Variants in PRH1 observed in about 807,000 individuals in gnomAD.
PRH1 encodes proline rich protein HaeIII subfamily 1, also known as salivary acidic proline-rich phosphoprotein 1/2.
In PRH1, 7 loss-of-function variants were observed where a neutral mutation model predicts 7.9. The ratio of observed to expected loss-of-function variants is 0.89; its 90% CI spans 0.50 to 1.67. PRH1 has a LOEUF of 1.67. Among genes scored for constraint, PRH1 ranks in the 40% most tolerant of loss-of-function variants. The pLI, the probability that PRH1 is intolerant of heterozygous loss-of-function variation, is 0.00. For synonymous variants in PRH1, 45 were observed against 80.8 expected (o/e 0.56, Z 2.38); for missense variants, 109 against 223.6 (o/e 0.49, Z 3.27).
intron 1 of PRH1, among the ~76,000 whole-genome samples, chr12:11,009,666 G>A (rs1940982500): frequency 6.6e-6 from 1 of 151,906 alleles, no homozygotes; most frequent in Non-Finnish European, 1.5e-5. Flanking sequence ...GTCTAGCCAT[G>A]TTCCTGCAAT....
At chr12:11,003,120 A>G (rs1157527642) in intron 1 of PRH1, among the ~76,000 whole-genome samples, 2 of 152,114 alleles carry the variant, frequency 1.3e-5, no homozygotes, top group South Asian at 2.1e-4. Flanking sequence ...CTTCCTGCTT[A>G]TATCTTTCTT....
intron 2 of PRH1, among the ~76,000 whole-genome samples, chr12:10,940,399 T>C (rs1378327139): frequency 6.6e-6 from 1 of 152,322 alleles, no homozygotes; most frequent in Non-Finnish European, 1.5e-5. Flanking sequence ...TAGTAATACA[T>C]GTAAATATTC....
At chr12:10,894,930 C>T (rs1225504500) in intron 2 of PRH1, 2 of 152,126 alleles carry the variant, frequency 1.3e-5, no homozygotes, top group Non-Finnish European at 2.9e-5. Context: ...TATCATCACT[C>T]ATATCAGGCA....
At chr12:11,102,129 T>C (rs1222248252) in intron 1 of PRH1, among the ~76,000 whole-genome samples, 1 of 152,116 alleles carries the variant, frequency 6.6e-6, no homozygotes, top group Admixed American at 6.6e-5. Context: ...AGGTAATTTA[T>C]AGATTCAATG....
intron 2 of PRH1, among the ~76,000 whole-genome samples, chr12:10,948,734 C>T (rs1248021374): frequency 6.6e-6 from 1 of 152,098 alleles, no homozygotes; most frequent in Non-Finnish European, 1.5e-5. Context: ...TTTCTCATCT[C>T]TGTATGTGGG....
intron 1 of PRH1, among the ~76,000 whole-genome samples, chr12:11,104,196 A>AC (rs890499509): frequency 7.2e-6 from 1 of 138,078 alleles, no homozygotes; most frequent in African/African-American, 2.5e-5. Context: ...AAAAAAAAAA[A>AC]AAAAAAAGGA....
intron 2 of PRH1, chr12:10,931,279 A>G: frequency 8.7e-7 from 1 of 1,143,466 alleles, no homozygotes; most frequent in Non-Finnish European, 1.2e-6. Flanking sequence ...TCCAATTTTG[A>G]GAATCACTAT....
At chr12:10,996,465 T>G (rs1415950691) in intron 1 of PRH1, 1 of 152,130 alleles carries the variant, frequency 6.6e-6, no homozygotes, top group Admixed American at 6.6e-5. Flanking sequence ...GTTAAACAGT[T>G]AAACACACTA....
chr12:11,061,344 C>T, intron 1 of PRH1: 1 of 1,597,398 alleles, frequency 6.3e-7, no homozygotes, highest in Non-Finnish European at 8.5e-7. Flanking sequence ...CTAGAAGATA[C>T]ACAATGCTGC....
chr12:10,922,807 C>T lies in PRH1; in HGVS notation c.-58-38532G>A, dbSNP rs1430278862. On this transcript the variant is annotated intron_variant, in intron 2 of 3. Transcript: ENST00000539853. ...ATGTCCAAATTCATGATTATTGCAT[C>T]TTTTCCATGAATTTTTTCTTTTTCT... Among the ~76,000 whole-genome samples, 6 of 143,688 alleles carry T rather than the reference C, an allele frequency of 4.2e-5. 1 individual carries two copies. In the South Asian group the frequency reaches 1.2e-3, roughly 28 times the overall value. 94.3% of individuals were successfully genotyped at this position (143,688 alleles called of 152,430 possible).
At chr12:11,033,319 A>C (rs1456824708) in intron 1 of PRH1, among the ~76,000 whole-genome samples, 3 of 152,128 alleles carry the variant, frequency 2.0e-5, no homozygotes, top group Admixed American at 6.5e-5. Context: ...GTGAACTGAG[A>C]TTATGCCACT....
intron 3 of PRH1, among the ~76,000 whole-genome samples, 180 bp from the exon 4 acceptor site, chr12:10,881,236 G>A (rs1394869522): frequency 1.3e-5 from 2 of 152,170 alleles, no homozygotes; most frequent in Non-Finnish European, 2.9e-5. Flanking sequence ...TTAAGCCATT[G>A]CACATAATGT....
At chr12:10,967,752 A>G (rs534226071) in intron 2 of PRH1, among the ~76,000 whole-genome samples, 1 of 152,362 alleles carries the variant, frequency 6.6e-6, no homozygotes, top group South Asian at 2.1e-4. Context: ...TAAATAAAAT[A>G]TAGTACCTCA....
chr12:11,127,310 T>G (rs1304912127), intron 1 of PRH1, among the ~76,000 whole-genome samples: 1 of 152,200 alleles, frequency 6.6e-6, no homozygotes, highest in South Asian at 2.1e-4. Flanking sequence ...AATTTTTTCC[T>G]TGTTTAATGT....
rs989305489 is a variant in PRH1, at chr12:10,902,611, G to A, written c.-58-18336C>T. 5.3e-5 allele frequency among the ~76,000 whole-genome samples: 8 copies of A among 152,084 alleles called. No individual in the cohort carries two copies. The East Asian group carries it at 1.5e-3, about 29-fold the overall frequency. ...TACACTAAAGAAAAAAATCTTAAAG[G>A]CAGCTAGAGAAAAAGATCAGATCAC... On this transcript the variant is annotated intron_variant, in intron 2 of 3. Coordinates refer to the PRH1 transcript ENST00000539853.
intron 2 of PRH1, among the ~76,000 whole-genome samples, chr12:10,917,516 A>G (rs1478313765): frequency 6.6e-6 from 1 of 152,220 alleles, no homozygotes. Context: ...GGCAATTTTC[A>G]TACTAACAAA....
chr12:10,886,157 C>A (rs531812117), upstream of PRH1, among the ~76,000 whole-genome samples: 6 of 152,136 alleles, frequency 3.9e-5, no homozygotes, highest in East Asian at 1.2e-3. Flanking sequence ...GCTCCCAATG[C>A]GTTATGGAGA....
At chr12:10,972,630 A>C (rs1177140053) in intron 2 of PRH1, among the ~76,000 whole-genome samples, 1 of 152,122 alleles carries the variant, frequency 6.6e-6, no homozygotes, top group Non-Finnish European at 1.5e-5. Context: ...TAACTTCTCC[A>C]TAATTTTTGT....
chr12:11,016,210 C>T (rs1030792136), intron 1 of PRH1, among the ~76,000 whole-genome samples: 9 of 141,632 alleles, frequency 6.4e-5, no homozygotes, highest in Non-Finnish European at 1.4e-4. Context: ...CATGAGGACC[C>T]TCTACCCTTG....
Sources: gnomAD v4.1 joint callset for allele counts (sites outside exome capture counted in the v4.1 genomes callset) on GRCh38, gnomAD v4.1.1 for gene constraint, MANE v1.5 for transcripts, NCBI Gene and HGNC (gene_info 2026-07-23, HGNC 2026-07-21) for gene names.